The following LINGO2 variants were observed in gnomAD, a reference collection of about 807,000 sequenced individuals.
The protein encoded by LINGO2 is leucine rich repeat and Ig domain containing 2.
Under a neutral mutation model 30.6 loss-of-function variants are expected in LINGO2, and 14 were observed. The observed-to-expected ratio is 0.46, with a 90% confidence interval of 0.30 to 0.72. The LOEUF (loss-of-function observed/expected upper bound fraction) is 0.72. LINGO2 is among the 30% of genes least tolerant of loss of function. LINGO2 has a pLI of 0.07. For missense variants in LINGO2, 729 were observed against 751.7 expected, an observed-to-expected ratio of 0.97 and a Z score of 0.35; for synonymous variants, 317 against 288.5, an observed-to-expected ratio of 1.10 and a Z score of -1.00.
At chr9:28,498,677 C>G (rs1249683237) in intron 1 of LINGO2, among the ~76,000 whole-genome samples, 1 of 152,128 alleles carries the variant, frequency 6.6e-6, no homozygotes. Flanking sequence ...CACCCACTCT[C>G]CAACAAACCC....
chr9:28,665,935 C>T (rs1049454496), intron 1 of LINGO2, among the ~76,000 whole-genome samples: 6 of 150,298 alleles, frequency 4.0e-5, no homozygotes, highest in African/African-American at 1.5e-4. Flanking sequence ...TCTTGTTGCC[C>T]AGGCTGGAGT....
intron 4 of LINGO2, among the ~76,000 whole-genome samples, chr9:28,026,623 G>C (rs1823387887): frequency 6.6e-6 from 1 of 152,130 alleles, no homozygotes; most frequent in South Asian, 2.1e-4. Context: ...CTAAATGCCT[G>C]GAAAACCTTA....
intron 4 of LINGO2, among the ~76,000 whole-genome samples, chr9:28,029,846 T>C (rs969151971): frequency 6.6e-6 from 1 of 152,228 alleles, no homozygotes; most frequent in African/African-American, 2.4e-5. Flanking sequence ...CTTGCAATTA[T>C]ATAACTTTGA....
chr9:28,375,071 A>G (rs923020139), intron 2 of LINGO2, among the ~76,000 whole-genome samples: 6 of 144,432 alleles, frequency 4.2e-5, no homozygotes, highest in African/African-American at 1.6e-4. Flanking sequence ...CCAACCCCTT[A>G]TCGCACACAC....
the LINGO2 span, among the ~76,000 whole-genome samples, chr9:29,038,245 G>C: frequency 6.6e-6 from 1 of 152,016 alleles, no homozygotes; most frequent in Non-Finnish European, 1.5e-5. Context: ...CAGTACATGA[G>C]TGTTCCAGAA....
At chr9:28,683,394 CTG>C in the LINGO2 span, among the ~76,000 whole-genome samples, 3 of 151,980 alleles carry the variant, frequency 2.0e-5, no homozygotes, top group Non-Finnish European at 2.9e-5. Flanking sequence ...TGGTTTTGCA[CTG>C]TGTTTCTTTC....
the LINGO2 span, among the ~76,000 whole-genome samples, chr9:28,784,828 T>C: frequency 6.6e-6 from 1 of 152,008 alleles, no homozygotes; most frequent in Non-Finnish European, 1.5e-5. Context: ...GGCGTGCACC[T>C]GTAATCCTAA....
At chr9:28,509,413 T>A (rs1292786306) in intron 1 of LINGO2, among the ~76,000 whole-genome samples, 1 of 152,222 alleles carries the variant, frequency 6.6e-6, no homozygotes, top group Non-Finnish European at 1.5e-5. Context: ...GACCACCTTT[T>A]GAACCCCTGC....
At chr9:29,087,429 T>C in the LINGO2 span, among the ~76,000 whole-genome samples, 2 of 152,214 alleles carry the variant, frequency 1.3e-5, no homozygotes, top group African/African-American at 4.8e-5. Context: ...TCTTGGAAAC[T>C]ACATTATACA....
intron 2 of LINGO2, among the ~76,000 whole-genome samples, chr9:28,383,845 T>C (rs988502029): frequency 2.6e-5 from 4 of 152,056 alleles, no homozygotes; most frequent in Non-Finnish European, 4.4e-5. Context: ...AATACATCTG[T>C]TTTGTATATG....
chr9:28,767,039 T>C, the LINGO2 span, among the ~76,000 whole-genome samples: 1 of 152,102 alleles, frequency 6.6e-6, no homozygotes, highest in African/African-American at 2.4e-5. Context: ...TAAGAAAAGT[T>C]GAATACATAA....
chr9:28,784,683 G>A, the LINGO2 span, among the ~76,000 whole-genome samples: 1 of 152,170 alleles, frequency 6.6e-6, no homozygotes, highest in East Asian at 1.9e-4. Context: ...GTCGGGCGCG[G>A]TGGCTCACGC....
chr9:28,217,306 C>T (rs905417195), intron 4 of LINGO2, among the ~76,000 whole-genome samples: 12 of 151,208 alleles, frequency 7.9e-5, no homozygotes, highest in Non-Finnish European at 1.6e-4. Flanking sequence ...AAGTTAAACA[C>T]CAAATAGAAA....
At chr9:27,972,910 G>T (rs1293558242) in intron 5 of LINGO2, among the ~76,000 whole-genome samples, 1 of 152,168 alleles carries the variant, frequency 6.6e-6, no homozygotes, top group African/African-American at 2.4e-5. Flanking sequence ...GCTGTTACCA[G>T]TGTGGGTGAA....
intron 4 of LINGO2, among the ~76,000 whole-genome samples, chr9:28,227,252 C>T (rs1821202030): frequency 6.6e-6 from 1 of 152,058 alleles, no homozygotes; most frequent in African/African-American, 2.4e-5. Context: ...CCCAGTGGTT[C>T]TCAAGCTATC....
chr9:29,115,663 TAAC>T, the LINGO2 span, among the ~76,000 whole-genome samples: 1 of 152,018 alleles, frequency 6.6e-6, no homozygotes, highest in Non-Finnish European at 1.5e-5. Context: ...TAATTATTAT[TAAC>T]ATTATTGAAG....
the LINGO2 span, among the ~76,000 whole-genome samples, chr9:29,175,087 C>T: frequency 6.6e-6 from 1 of 152,052 alleles, no homozygotes; most frequent in Non-Finnish European, 1.5e-5. Flanking sequence ...GATGAAACCC[C>T]ATCTTTACTA....
chr9:28,258,881 G>T (rs116337639), intron 4 of LINGO2, among the ~76,000 whole-genome samples: 1,659 of 151,292 alleles, frequency 0.011, 30 homozygotes, highest in African/African-American at 0.038. Flanking sequence ...GGCAAGCATG[G>T]TTCTGACTTT....
At chr9:28,251,273 A>T (rs1822189448) in intron 4 of LINGO2, among the ~76,000 whole-genome samples, 1 of 152,132 alleles carries the variant, frequency 6.6e-6, no homozygotes, top group Admixed American at 6.6e-5. Context: ...TTTGAAATGT[A>T]ATCATCAAAG....
Sources: allele counts gnomAD v4.1 joint callset (sites outside exome capture counted in the v4.1 genomes callset), GRCh38; gene constraint gnomAD v4.1.1; transcripts MANE v1.5; gene names NCBI Gene and HGNC (gene_info 2026-07-23, HGNC 2026-07-21).